AGO2: variants seen among roughly 807,000 people sequenced by gnomAD.
The protein encoded by AGO2 is argonaute RISC catalytic component 2, also known as protein argonaute-2.
In AGO2, 5 loss-of-function variants were observed where a neutral mutation model predicts 102.3. That is an observed-to-expected ratio of 0.05 (90% confidence interval 0.03 to 0.10). AGO2 has a LOEUF of 0.10. Among genes scored for constraint, AGO2 ranks in the 10% least tolerant of loss-of-function variants. The pLI is 1.00. For missense variants in AGO2, 541 were observed against 1,183.7 expected, an observed-to-expected ratio of 0.46 and a Z score of 7.97; for synonymous variants, 449 against 473.1, an observed-to-expected ratio of 0.95 and a Z score of 0.66.
At chr8:140,562,304 T>C (rs2132945995) in intron 4 of AGO2, 149 bp downstream of exon 4, 1 of 958,478 alleles carries the variant, frequency 1.0e-6, no homozygotes, top group Middle Eastern at 3.4e-4. Context: ...TTAGCACCAT[T>C]TGTGTTATCT....
rs534316054 is a variant in AGO2 at position 140,625,429 on chromosome 8, C to A, written c.22+10056G>T. Among the ~76,000 whole-genome samples, 20 of 152,268 alleles carry A rather than the reference C, an allele frequency of 1.3e-4. No individual in the cohort carries two copies. The South Asian group carries it at 3.9e-3, about 30-fold the overall frequency. On this transcript the variant is annotated intron_variant, in intron 1 of 18. Transcript: ENST00000220592. ...TCCAGTCCTACTCTTTCTTGGTGGG[C>A]CTGTGCTGACCACCAGGCAACTCGC...
At chr8:140,568,613 G>A (rs1052454319) in intron 3 of AGO2, among the ~76,000 whole-genome samples, 3 of 152,180 alleles carry the variant, frequency 2.0e-5, no homozygotes, top group African/African-American at 7.2e-5. Flanking sequence ...AGGAGGGGCC[G>A]TGCAGTTCAT....
At position 140,617,799 on chromosome 8, in the gene AGO2, T is replaced by C. The variant is rs147499609; in HGVS notation, c.22+17686A>G. Among the ~76,000 whole-genome samples the C allele has an allele frequency of 1.7e-3, 253 of 151,732 alleles. 7 individuals are homozygous for C. The East Asian group carries it at 0.027, about 16-fold the overall frequency. On this transcript the variant is annotated intron_variant, in intron 1 of 18. Transcript: ENST00000220592. The stretch of plus-strand genomic sequence containing the variant: ...TAGGAAGCTGAGGTGGCAGGACTGC[T>C]TGAGCCCAGGCGTTTGAGAGCAGCC...
chr8:140,641,895 G>A, the AGO2 span, among the ~76,000 whole-genome samples: 2 of 152,092 alleles, frequency 1.3e-5, no homozygotes, highest in African/African-American at 4.8e-5. Flanking sequence ...AATAGAATGA[G>A]GCTGGGCACA....
At chr8:140,546,645 G>C (rs1347209228) in intron 13 of AGO2, among the ~76,000 whole-genome samples, 1 of 152,222 alleles carries the variant, frequency 6.6e-6, no homozygotes, top group Admixed American at 6.5e-5. Context: ...ACTGTGACTG[G>C]GAGCTCCAAC....
At position 140,535,562 on chromosome 8, in the gene AGO2, T is replaced by C; in HGVS notation, c.2177A>G (p.Lys726Arg). 2 of 1,614,198 alleles carry C rather than the reference T, an allele frequency of 1.2e-6. No homozygotes were observed. The highest frequency in any genetic ancestry group is 1.7e-6 in the Non-Finnish European group (2 of 1,180,010). Residue 726 changes from lysine to arginine, a missense_variant, in exon 17 of 19, where the codon AAA becomes AGA. Physicochemically the swap from Lys to Arg is conservative, Grantham distance 26 (BLOSUM62 2). Around this residue, in one of 6 missense-constraint regions of AGO2, gnomAD observed 309 missense variants for 735.1 expected, o/e 0.42. Transcript: ENST00000220592. ...FCTDKNERVG[K>R]SGNIPAGTTV... ...CGTGCCTGCTGGAATGTTTCCACTT[T>C]TCCCAACCTTCGGCAACACAGGCAT...
intron 2 of AGO2, among the ~76,000 whole-genome samples, chr8:140,577,650 A>ACAGAGCC (rs1310525656): frequency 1.3e-5 from 2 of 152,206 alleles, no homozygotes; most frequent in African/African-American, 4.8e-5. Context: ...AGAGCTCGGG[A>ACAGAGCC]CAGAGCCCAG....
rs112739993 is a variant in AGO2 at position 140,547,578 on chromosome 8, G to A, written c.1638C>T (p.Cys546=). 9.3e-6 allele frequency: 15 copies of A among 1,614,054 alleles called. No individual in the cohort carries two copies. The highest frequency in any genetic ancestry group is 6.7e-5 in the African/African-American group (5 of 75,072). Residue 546 remains cysteine, a synonymous_variant, in exon 13 of 19, where the codon TGC becomes TGT. Transcript: ENST00000220592. ...TCCTCTGCACGTTCTTCATCTGCACGCACTGCGTGGCCATCCCCAGCACCG... is the reference window on the plus strand; with the variant it reads ...TCCTCTGCACGTTCTTCATCTGCACACACTGCGTGGCCATCCCCAGCACCG... ...GDTVLGMATQ[C]VQMKNVQRTT... is the part of the protein sequence containing the mutation.
chr8:140,589,703 T>G lies in AGO2; in HGVS notation c.23-4392A>C, dbSNP rs1437361947. On this transcript the variant is annotated intron_variant, in intron 1 of 18. Transcript: ENST00000220592. The surrounding 1 kb of genome is among the most constrained non-coding windows in gnomAD (Gnocchi z 4.2). Reference sequence around the variant, plus strand: ...TGCTAAACACTTCTGTGCCATACCCTGGGCCAAGCCAGGTGCAGATATGGT... The same window carrying G: ...TGCTAAACACTTCTGTGCCATACCCGGGGCCAAGCCAGGTGCAGATATGGT... Among the ~76,000 whole-genome samples the G allele has an allele frequency of 6.6e-6, 1 of 152,078 alleles. No individual in the cohort carries two copies. Among genetic ancestry groups the G allele is most frequent in the African/African-American group, 2.4e-5 (1 of 41,402 alleles).
At chr8:140,556,403 C>G in intron 8 of AGO2, 117 bp from the exon 9 acceptor site, 1 of 1,358,448 alleles carries the variant, frequency 7.4e-7, no homozygotes, top group Non-Finnish European at 1.0e-6. Flanking sequence ...TGCCTCATCC[C>G]TGGGCTATGA....
chr8:140,584,078 A>C (rs890894642), intron 2 of AGO2, among the ~76,000 whole-genome samples: 1 of 151,648 alleles, frequency 6.6e-6, no homozygotes, highest in African/African-American at 2.4e-5. Flanking sequence ...AATGCAATGT[A>C]CATCTAGAAT....
chr8:140,534,681 G>GCAAATCCTCAAACTCTAGGGTT (rs2132860244), intron 17 of AGO2, among the ~76,000 whole-genome samples: 1 of 152,342 alleles, frequency 6.6e-6, no homozygotes, highest in South Asian at 2.1e-4. Flanking sequence ...AAAGTTCATA[G>GCAAATCCTCAAACTCTAGGGTT]CAAATCCTCA....
upstream of AGO2, among the ~76,000 whole-genome samples, chr8:140,640,108 G>A (rs951260425): frequency 2.6e-5 from 4 of 152,028 alleles, no homozygotes; most frequent in South Asian, 4.1e-4. Context: ...TCCTGGGTTC[G>A]AGTGATTCTC....
intron 3 of AGO2, among the ~76,000 whole-genome samples, chr8:140,564,285 G>A (rs759972576): frequency 3.9e-5 from 6 of 152,026 alleles, no homozygotes; most frequent in South Asian, 2.1e-4. Flanking sequence ...TCAGGACAGC[G>A]GAGGGGGTGG....
chr8:140,539,472 A>C lies in AGO2; in HGVS notation c.2035-18T>G. ...TGGAGAACCTAGGGGTACGGGAGGG[A>C]GGAGGTTGTGCTTAAAGATGGTAGT... On this transcript the variant is annotated intron_variant, in intron 15 of 18. Coordinates refer to ENST00000220592, the MANE Select transcript of AGO2 (RefSeq NM_012154.5). The surrounding 1 kb of genome is among the most constrained non-coding windows in gnomAD (Gnocchi z 4.7). 2 of 1,602,654 alleles carry C rather than the reference A, an allele frequency of 1.2e-6. No homozygotes were observed. Among genetic ancestry groups the C allele is most frequent in the Non-Finnish European group, 1.7e-6 (2 of 1,173,946 alleles).
chr8:140,613,200 A>AAC (rs1179141705), intron 1 of AGO2, among the ~76,000 whole-genome samples: 23 of 152,144 alleles, frequency 1.5e-4, no homozygotes, highest in African/African-American at 5.6e-4. Flanking sequence ...ACTCCGTCTC[A>AAC]AAAAACAACA....
chr8:140,577,034 T>C (rs1158785687), intron 2 of AGO2, among the ~76,000 whole-genome samples: 1 of 151,814 alleles, frequency 6.6e-6, no homozygotes, highest in Non-Finnish European at 1.5e-5. Flanking sequence ...AATGAAACCC[T>C]GTCTCTACTT....
chr8:140,595,862 TACAATTGTA>T (rs2073827871), intron 1 of AGO2, among the ~76,000 whole-genome samples: 1 of 27,712 alleles, frequency 3.6e-5, no homozygotes, highest in African/African-American at 2.0e-4. Flanking sequence ...TTATATTATA[TACAATTGTA>T]TATTATATAA....
Position 140,594,825 on chromosome 8 carries a change from C to CTGTGTGTG in AGO2, c.23-9522_23-9515dup, listed in dbSNP as rs56012516. The stretch of plus-strand genomic sequence containing the variant: ...ACCCGTCTCGACGGAAAGAAAAAAA[C>CTGTGTGTG]TGTGTGTGTGTGTGTGTGTGTGTGT... On this transcript the variant is annotated intron_variant, in intron 1 of 18. Coordinates refer to ENST00000220592, the MANE Select transcript of AGO2 (RefSeq NM_012154.5). Among the ~76,000 whole-genome samples, 260 of 146,122 alleles carry CTGTGTGTG rather than the reference C, an allele frequency of 1.8e-3. 1 individual carries two copies. Among genetic ancestry groups the CTGTGTGTG allele is most frequent in the African/African-American group, 3.4e-3 (134 of 39,300 alleles).
Sources: allele counts gnomAD v4.1 joint callset (sites outside exome capture counted in the v4.1 genomes callset), GRCh38; gene constraint gnomAD v4.1.1; regional missense constraint gnomAD v4.1.1; non-coding constraint Gnocchi (gnomAD v3.1); transcripts MANE v1.5; gene names NCBI Gene and HGNC (gene_info 2026-07-23, HGNC 2026-07-21).